The following KCTD8 variants were observed in gnomAD, a reference collection of about 807,000 sequenced individuals.
The protein encoded by KCTD8 is potassium channel tetramerization domain containing 8.
In KCTD8, 27 loss-of-function variants were observed where a neutral mutation model predicts 31.5. That is an observed-to-expected ratio of 0.86 (90% CI 0.63 to 1.18). The LOEUF (loss-of-function observed/expected upper bound fraction) is 1.18. Ranked by LOEUF, KCTD8 falls within the 50% of genes most tolerant of loss-of-function variation. The pLI, the probability that KCTD8 is intolerant of heterozygous loss-of-function variation, is 0.00. For missense variants in KCTD8, 658 were observed against 647.7 expected, an observed-to-expected ratio of 1.02 and a Z score of -0.17; for synonymous variants, 290 against 280.0, an observed-to-expected ratio of 1.04 and a Z score of -0.36.
intron 1 of KCTD8, among the ~76,000 whole-genome samples, chr4:44,409,153 G>T (rs1720893096): frequency 6.6e-6 from 1 of 151,452 alleles, no homozygotes; most frequent in Non-Finnish European, 1.5e-5. Context: ...TGAGGCAGGA[G>T]AATCAAGGAT....
chr4:44,338,507 T>C (rs1718813700), intron 1 of KCTD8, among the ~76,000 whole-genome samples: 1 of 152,182 alleles, frequency 6.6e-6, no homozygotes, highest in Non-Finnish European at 1.5e-5. Context: ...AAAACTGCAG[T>C]GTATTTGCCT....
chr4:44,216,505 A>T (rs187435894), intron 1 of KCTD8, among the ~76,000 whole-genome samples: 1 of 152,146 alleles, frequency 6.6e-6, no homozygotes, highest in Non-Finnish European at 1.5e-5. Flanking sequence ...ATTAATGAAG[A>T]TATCCCAATA....
At chr4:44,382,082 T>C (rs1007495149) in intron 1 of KCTD8, among the ~76,000 whole-genome samples, 2 of 151,944 alleles carry the variant, frequency 1.3e-5, no homozygotes, top group Non-Finnish European at 2.9e-5. Context: ...ATAAAGCAAA[T>C]AATATTAGTT....
chr4:44,410,906 G>C (rs1720937218), intron 1 of KCTD8, among the ~76,000 whole-genome samples: 1 of 151,980 alleles, frequency 6.6e-6, no homozygotes, highest in Non-Finnish European at 1.5e-5. Context: ...CTCCTGAGGT[G>C]GCCTTTCCCA....
rs112320433 is a variant in KCTD8, at chr4:44,247,931, A to G, written c.962-72681T>C. Among the ~76,000 whole-genome samples the G allele has an allele frequency of 9.0e-3, 1,374 of 152,082 alleles. 18 individuals carry two copies. The highest frequency in any genetic ancestry group is 0.031 in the African/African-American group (1,285 of 41,524). ...AATGAATATGACAGTTCCTCAAAAAATTAAAAATAGAACTACTATATGATC... is the reference window on the plus strand; with the variant it reads ...AATGAATATGACAGTTCCTCAAAAAGTTAAAAATAGAACTACTATATGATC... On this transcript the variant is annotated intron_variant, in intron 1 of 1. Transcript: ENST00000360029.
rs558008285 is a variant in KCTD8 at position 44,419,705 on chromosome 4, A to C, written c.961+27858T>G. Among the ~76,000 whole-genome samples the C allele has an allele frequency of 8.0e-5, 12 of 150,744 alleles. 1 individual carries two copies. Among genetic ancestry groups the C allele is most frequent in the South Asian group, 2.1e-4 (1 of 4,700 alleles). Reference sequence around the variant, plus strand: ...GTCACATACCGGGGCCTGTCGGGGGATGGGGGGCTGGGGAAGGGATAGCAT... The same window carrying C: ...GTCACATACCGGGGCCTGTCGGGGGCTGGGGGGCTGGGGAAGGGATAGCAT... On this transcript the variant is annotated intron_variant, in intron 1 of 1. Coordinates refer to ENST00000360029, the MANE Select transcript of KCTD8 (RefSeq NM_198353.3).
chr4:44,191,539 A>T (rs1051111555), intron 1 of KCTD8, among the ~76,000 whole-genome samples: 4 of 152,170 alleles, frequency 2.6e-5, no homozygotes, highest in African/African-American at 9.7e-5. Context: ...AATATTAAAT[A>T]TTAAGACCCT....
intron 1 of KCTD8, among the ~76,000 whole-genome samples, chr4:44,350,566 A>C (rs1719170316): frequency 6.6e-6 from 1 of 152,212 alleles, no homozygotes; most frequent in Non-Finnish European, 1.5e-5. Context: ...TTAATTTAAC[A>C]TCAGTTGGCA....
intron 1 of KCTD8, among the ~76,000 whole-genome samples, chr4:44,308,100 A>G (rs1484048868): frequency 6.6e-6 from 1 of 152,024 alleles, no homozygotes; most frequent in Non-Finnish European, 1.5e-5. Flanking sequence ...CCCTTAATAT[A>G]CAGTTATTCC....
intron 1 of KCTD8, among the ~76,000 whole-genome samples, chr4:44,362,269 T>C (rs954002304): frequency 1.4e-4 from 21 of 152,138 alleles, no homozygotes; most frequent in Admixed American, 1.2e-3. Flanking sequence ...GTTAAGAATT[T>C]AGAACTTTAT....
intron 1 of KCTD8, among the ~76,000 whole-genome samples, chr4:44,255,240 T>C (rs1715957808): frequency 6.6e-6 from 1 of 151,858 alleles, no homozygotes. Context: ...TATGCCTTTC[T>C]TTCAGTTCTT....
chr4:44,419,676 G>A (rs1280280685), intron 1 of KCTD8, among the ~76,000 whole-genome samples: 1 of 151,920 alleles, frequency 6.6e-6, no homozygotes, highest in African/African-American at 2.4e-5. Flanking sequence ...ACAGGGCAGG[G>A]AGTGTCACAT....
intron 1 of KCTD8, among the ~76,000 whole-genome samples, chr4:44,226,941 C>T (rs953933540): frequency 2.7e-5 from 4 of 148,530 alleles, no homozygotes; most frequent in African/African-American, 7.4e-5. Flanking sequence ...GGATATTACA[C>T]CTTTGTCAGA....
At chr4:44,223,011 A>G (rs1034340047) in intron 1 of KCTD8, among the ~76,000 whole-genome samples, 8 of 152,202 alleles carry the variant, frequency 5.3e-5, no homozygotes, top group Non-Finnish European at 1.0e-4. Context: ...AGTGCTAACC[A>G]AAAAAGTAAC....
At position 44,175,045 on chromosome 4, in the gene KCTD8, C is replaced by A. The variant is rs1433528259; in HGVS notation, c.1167G>T (p.Leu389Phe). The change falls in exon 2 of 2, where the codon TTG (leucine) becomes TTT (phenylalanine). Residue 389 changes from leucine to phenylalanine, a missense_variant. Transcript: ENST00000360029. The stretch of plus-strand genomic sequence containing the variant: ...CAGGTGCTTTTTTAGAGGGGCGATC[C>A]AATGTTAAAGTGTTAGGTTGGTGAG... ...ATAHQPNTLT[L>F]DRPSKKAPVQ... 1.2e-6 allele frequency: 2 copies of A among 1,613,800 alleles called. No individual in the cohort carries two copies. Among genetic ancestry groups the A allele is most frequent in the African/African-American group, 1.3e-5 (1 of 74,832 alleles).
chr4:44,444,569 TTATTA>T (rs1158264977), intron 1 of KCTD8, among the ~76,000 whole-genome samples: 1 of 152,212 alleles, frequency 6.6e-6, no homozygotes, highest in Non-Finnish European at 1.5e-5. Flanking sequence ...TGTTAAGCTT[TTATTA>T]TGAGTCAGGC....
intron 1 of KCTD8, among the ~76,000 whole-genome samples, chr4:44,214,378 G>A (rs1431189738): frequency 6.6e-6 from 1 of 152,148 alleles, no homozygotes; most frequent in African/African-American, 2.4e-5. Flanking sequence ...ACTTTAGGCA[G>A]TGTCTCAAGT....
At chr4:44,427,138 A>G (rs1721368730) in intron 1 of KCTD8, among the ~76,000 whole-genome samples, 1 of 151,492 alleles carries the variant, frequency 6.6e-6, no homozygotes, top group African/African-American at 2.4e-5. Flanking sequence ...CTAGAAAACT[A>G]GAAGTAGAAG....
chr4:44,342,776 C>T (rs1253955882), intron 1 of KCTD8, among the ~76,000 whole-genome samples: 5 of 152,202 alleles, frequency 3.3e-5, no homozygotes, highest in African/African-American at 7.2e-5. Context: ...TTTACTGCAG[C>T]TTATGCATCA....
Sources: gnomAD v4.1 joint callset for allele counts (sites outside exome capture counted in the v4.1 genomes callset) on GRCh38, gnomAD v4.1.1 for gene constraint, MANE v1.5 for transcripts, NCBI Gene and HGNC (gene_info 2026-07-23, HGNC 2026-07-21) for gene names.